Variants in PLCB1 observed in about 807,000 individuals in gnomAD.
The protein encoded by PLCB1 is 1-phosphatidylinositol 4,5-bisphosphate phosphodiesterase beta-1.
PLCB1 carries 46 observed loss-of-function variants against 161.8 expected under a neutral mutation model. The observed-to-expected ratio is 0.28, with a 90% CI of 0.22 to 0.36. The LOEUF is 0.36. Among genes scored for constraint, PLCB1 ranks in the 10% least tolerant of loss-of-function variants. PLCB1 has a pLI of 1.00. For synonymous variants in PLCB1, 517 were observed against 503.7 expected (o/e 1.03, Z -0.35); for missense variants, 1,016 against 1,472.5 (o/e 0.69, Z 5.07).
intron 3 of PLCB1, among the ~76,000 whole-genome samples, chr20:8,575,863 G>A (rs1025623495): frequency 3.9e-5 from 6 of 152,142 alleles, no homozygotes; most frequent in Non-Finnish European, 4.4e-5. Context: ...TATAAGTAAC[G>A]AGCTTGGAGA....
intron 3 of PLCB1, among the ~76,000 whole-genome samples, chr20:8,583,138 T>G (rs748273321): frequency 5.9e-5 from 9 of 152,168 alleles, no homozygotes; most frequent in Non-Finnish European, 1.0e-4. Context: ...ATATGATGCA[T>G]ATAGAGCAGT....
chr20:8,829,811 T>G (rs1985897300), intron 31 of PLCB1, among the ~76,000 whole-genome samples: 1 of 152,250 alleles, frequency 6.6e-6, no homozygotes, highest in Non-Finnish European at 1.5e-5. Context: ...AAAATTTGCC[T>G]GACTGAAAGG....
intron 3 of PLCB1, among the ~76,000 whole-genome samples, chr20:8,453,510 A>G (rs1981166042): frequency 6.6e-6 from 1 of 152,226 alleles, no homozygotes; most frequent in Admixed American, 6.5e-5. Flanking sequence ...TGGACTGAAC[A>G]CTTGCTATAT....
chr20:8,626,100 C>A (rs974792142), intron 3 of PLCB1, among the ~76,000 whole-genome samples: 1 of 150,316 alleles, frequency 6.7e-6, no homozygotes, highest in Non-Finnish European at 1.5e-5. Context: ...ATCGCTTGAA[C>A]CCAGGAGGTG....
chr20:8,879,344 T>C (rs1414451149), intron 31 of PLCB1, among the ~76,000 whole-genome samples: 1 of 151,968 alleles, frequency 6.6e-6, no homozygotes, highest in Non-Finnish European at 1.5e-5. Flanking sequence ...TAATCTGTTA[T>C]CTGAGATTCT....
In PLCB1 at chr20:8,324,721, C is replaced by T. The variant is rs187176319; in HGVS notation, c.178-46661C>T. On this transcript the variant is annotated intron_variant, in intron 2 of 31. Coordinates refer to ENST00000338037, the MANE Select transcript of PLCB1 (RefSeq NM_015192.4). ...TAAAAGTGTAAGCTCTGCCAAGGGGCATTTTCTCATTGGCTTTCAGTGTTA... is the reference window on the plus strand; with the variant it reads ...TAAAAGTGTAAGCTCTGCCAAGGGGTATTTTCTCATTGGCTTTCAGTGTTA... Among the ~76,000 whole-genome samples the T allele has an allele frequency of 1.5e-3, 221 of 152,280 alleles. 1 individual carries two copies. The highest frequency in any genetic ancestry group is 5.1e-3 in the African/African-American group (212 of 41,580).
intron 4 of PLCB1, among the ~76,000 whole-genome samples, chr20:8,644,077 G>A (rs1468570139): frequency 1.2e-4 from 19 of 152,210 alleles, no homozygotes; most frequent in Admixed American, 1.1e-3. Context: ...GATTGCAGAC[G>A]GAGTCTGGTT....
intron 27 of PLCB1, among the ~76,000 whole-genome samples, chr20:8,787,690 T>G (rs1983556045): frequency 6.6e-6 from 1 of 152,236 alleles, no homozygotes. Context: ...AAACACTTAC[T>G]GGGCATCAAG....
At chr20:8,606,788 C>A (rs1436792394) in intron 3 of PLCB1, among the ~76,000 whole-genome samples, 1 of 152,194 alleles carries the variant, frequency 6.6e-6, no homozygotes, top group East Asian at 1.9e-4. Context: ...GAATTTCTCT[C>A]AAACCTTTAT....
intron 2 of PLCB1, among the ~76,000 whole-genome samples, chr20:8,224,256 C>A (rs2123168912): frequency 6.6e-6 from 1 of 152,186 alleles, no homozygotes; most frequent in Middle Eastern, 3.4e-3. Flanking sequence ...GCCACCATTT[C>A]TTTTTCTATA....
chr20:8,664,303 G>A (rs77797965), intron 9 of PLCB1, among the ~76,000 whole-genome samples: 191 of 152,070 alleles, frequency 1.3e-3, no homozygotes, highest in African/African-American at 4.3e-3. Flanking sequence ...ATCACTACTC[G>A]CTGAGTTAAT....
At position 8,543,357 on chromosome 20, in the gene PLCB1, A is replaced by C. The variant is rs571920587; in HGVS notation, c.247-84937A>C. ...GGTGGCAAAACTGGAGAGGATTTTG[A>C]GACAAGGCATGGTGTAATGTGACTA... On this transcript the variant is annotated intron_variant, in intron 3 of 31. Transcript: ENST00000338037. Among the ~76,000 whole-genome samples, 3 of 152,154 alleles carry C rather than the reference A, an allele frequency of 2.0e-5. No homozygotes were observed. The South Asian group carries it at 6.2e-4, about 32-fold the overall frequency.
At chr20:8,446,177 G>A (rs898531421) in intron 3 of PLCB1, among the ~76,000 whole-genome samples, 23 of 152,214 alleles carry the variant, frequency 1.5e-4, no homozygotes, top group African/African-American at 3.6e-4. Flanking sequence ...CTGGCAAACC[G>A]AATCCAGCAG....
At position 8,635,874 on chromosome 20, in the gene PLCB1, T is replaced by A. The variant is rs186648526; in HGVS notation, c.384+7443T>A. On this transcript the variant is annotated intron_variant, in intron 4 of 31. Transcript: ENST00000338037. ...TCTTAGAGTTGCCCTAAAATAATAG[T>A]ATTAGCTATTTAAAAGTGACCTCAA... Among the ~76,000 whole-genome samples, 388 of 152,280 alleles carry A rather than the reference T, an allele frequency of 2.5e-3. 2 individuals are homozygous for A. Among genetic ancestry groups the A allele is most frequent in the South Asian group, 4.4e-3 (21 of 4,820 alleles).
At chr20:8,856,593 G>A (rs573239397) in intron 31 of PLCB1, among the ~76,000 whole-genome samples, 1 of 152,134 alleles carries the variant, frequency 6.6e-6, no homozygotes, top group South Asian at 2.1e-4. Context: ...CTCCAGCCTG[G>A]GCAACAGAGC....
At chr20:8,850,094 G>GT (rs1986837594) in intron 31 of PLCB1, among the ~76,000 whole-genome samples, 1 of 152,194 alleles carries the variant, frequency 6.6e-6, no homozygotes, top group Admixed American at 6.5e-5. Context: ...TTTAAAACAC[G>GT]TAAGTGTAAA....
chr20:8,399,034 G>C (rs1978424869), intron 3 of PLCB1, among the ~76,000 whole-genome samples: 1 of 148,714 alleles, frequency 6.7e-6, no homozygotes, highest in African/African-American at 2.5e-5. Flanking sequence ...GTCACAGTTA[G>C]TAAGTCTTTA....
intron 3 of PLCB1, among the ~76,000 whole-genome samples, chr20:8,617,546 G>T (rs573961223): frequency 2.0e-5 from 3 of 152,048 alleles, no homozygotes; most frequent in Non-Finnish European, 4.4e-5. Flanking sequence ...AACATTCGGG[G>T]ATTTGGAGGC....
chr20:8,507,229 A>G (rs752239295), intron 3 of PLCB1, among the ~76,000 whole-genome samples: 4 of 152,138 alleles, frequency 2.6e-5, no homozygotes, highest in Admixed American at 6.6e-5. Context: ...AGGAGGGGGC[A>G]TGGGAGGACT....
Sources: allele counts gnomAD v4.1 joint callset (sites outside exome capture counted in the v4.1 genomes callset), GRCh38; gene constraint gnomAD v4.1.1; transcripts MANE v1.5; gene names NCBI Gene and HGNC (gene_info 2026-07-23, HGNC 2026-07-21).